The following NSMCE2 variants were observed in gnomAD, a reference collection of about 807,000 sequenced individuals.
The protein encoded by NSMCE2 is NSE2 SUMO ligase component of SMC5/6 complex, also known as E3 SUMO-protein ligase NSE2.
Under a neutral mutation model 23.8 loss-of-function variants are expected in NSMCE2, and 24 were observed. That is an observed-to-expected ratio of 1.01 (90% confidence interval 0.73 to 1.42). The LOEUF (loss-of-function observed/expected upper bound fraction) is 1.42. Among genes scored for constraint, NSMCE2 ranks in the 40% most tolerant of loss-of-function variants. The pLI, the probability that NSMCE2 is intolerant of heterozygous loss-of-function variation, is 0.00. For synonymous variants in NSMCE2, 92 were observed against 94.1 expected (o/e 0.98, Z 0.13); for missense variants, 284 against 296.5 (o/e 0.96, Z 0.31).
chr8:125,229,530 T>C (rs1825234306), intron 5 of NSMCE2, among the ~76,000 whole-genome samples: 1 of 152,176 alleles, frequency 6.6e-6, no homozygotes, highest in Non-Finnish European at 1.5e-5. Context: ...GTTTGGGTCA[T>C]ACTGAGTTTA....
At chr8:125,160,952 A>G (rs964472115) in intron 4 of NSMCE2, among the ~76,000 whole-genome samples, 2 of 152,248 alleles carry the variant, frequency 1.3e-5, no homozygotes, top group African/African-American at 2.4e-5. Context: ...CCTCTGATGT[A>G]TCACATGCAG....
At chr8:125,183,539 T>A (rs1419079210) in intron 5 of NSMCE2, among the ~76,000 whole-genome samples, 4 of 152,180 alleles carry the variant, frequency 2.6e-5, no homozygotes, top group Admixed American at 6.6e-5. Flanking sequence ...TGCTAGTGAA[T>A]TAATTGTATA....
intron 5 of NSMCE2, among the ~76,000 whole-genome samples, chr8:125,330,278 C>T (rs140836085): frequency 1.0e-3 from 155 of 149,440 alleles, no homozygotes; most frequent in Middle Eastern, 6.9e-3. Flanking sequence ...CCGGTTCGAG[C>T]GATTCTCCTG....
At chr8:125,108,882 A>G (rs1224334540) in intron 3 of NSMCE2, among the ~76,000 whole-genome samples, 1 of 152,210 alleles carries the variant, frequency 6.6e-6, no homozygotes, top group East Asian at 1.9e-4. Flanking sequence ...TTAAGTGAAC[A>G]TTGATGGCCT....
At chr8:125,207,096 A>G (rs187353135) in intron 5 of NSMCE2, among the ~76,000 whole-genome samples, 65 of 152,318 alleles carry the variant, frequency 4.3e-4, no homozygotes, top group African/African-American at 1.5e-3. Flanking sequence ...TCAAAAATTC[A>G]AAAACTAAGT....
chr8:125,293,291 A>G (rs562567445), intron 5 of NSMCE2, among the ~76,000 whole-genome samples: 17 of 152,206 alleles, frequency 1.1e-4, no homozygotes, highest in Non-Finnish European at 2.1e-4. Flanking sequence ...ATCAAGGGAG[A>G]TACAAACTTG....
intron 3 of NSMCE2, among the ~76,000 whole-genome samples, chr8:125,122,565 C>T (rs2130506378): frequency 6.6e-6 from 1 of 152,218 alleles, no homozygotes; most frequent in Admixed American, 6.5e-5. Context: ...CTAGAATGCC[C>T]TTTCTCTGTT....
At chr8:125,229,522 T>G (rs1825234063) in intron 5 of NSMCE2, among the ~76,000 whole-genome samples, 1 of 152,124 alleles carries the variant, frequency 6.6e-6, no homozygotes. Flanking sequence ...TGAGTTTGGT[T>G]TGGGTCATAC....
chr8:125,335,394 G>T (rs975136996), intron 5 of NSMCE2, among the ~76,000 whole-genome samples: 1 of 152,144 alleles, frequency 6.6e-6, no homozygotes, highest in Non-Finnish European at 1.5e-5. Context: ...ATGACAAAAC[G>T]CACTCAAGGT....
chr8:125,325,004 T>C (rs958347385), intron 5 of NSMCE2, among the ~76,000 whole-genome samples: 3 of 152,194 alleles, frequency 2.0e-5, no homozygotes, highest in Non-Finnish European at 4.4e-5. Flanking sequence ...GGCAACTTTG[T>C]GAACAATCAA....
intron 3 of NSMCE2, among the ~76,000 whole-genome samples, chr8:125,115,849 A>G (rs1384186399): frequency 6.6e-6 from 1 of 152,224 alleles, no homozygotes; most frequent in African/African-American, 2.4e-5. Context: ...GGTGAAGAAA[A>G]GGGAGCTGTC....
At chr8:125,237,831 C>T (rs1825621929) in intron 5 of NSMCE2, among the ~76,000 whole-genome samples, 1 of 152,126 alleles carries the variant, frequency 6.6e-6, no homozygotes, top group East Asian at 1.9e-4. Context: ...CCATCTGCAT[C>T]GTTTTGTGCC....
At chr8:125,301,826 G>C (rs1244617464) in intron 5 of NSMCE2, among the ~76,000 whole-genome samples, 1 of 151,906 alleles carries the variant, frequency 6.6e-6, no homozygotes, top group Non-Finnish European at 1.5e-5. Context: ...ACCATGCCCG[G>C]CTAATTTTTG....
chr8:125,124,186 G>A (rs1232995394), intron 3 of NSMCE2: 1 of 152,046 alleles, frequency 6.6e-6, no homozygotes, highest in Non-Finnish European at 1.5e-5. Flanking sequence ...TTAGCATAAG[G>A]TTTTCAAGGT....
intron 3 of NSMCE2, among the ~76,000 whole-genome samples, chr8:125,106,561 C>T (rs546784650): frequency 5.9e-5 from 9 of 151,884 alleles, no homozygotes; most frequent in South Asian, 2.1e-4. Context: ...ACCTGTAATC[C>T]GAGCTACTCA....
intron 5 of NSMCE2, among the ~76,000 whole-genome samples, chr8:125,221,808 G>T (rs919324613): frequency 2.0e-5 from 3 of 152,120 alleles, no homozygotes; most frequent in African/African-American, 7.2e-5. Flanking sequence ...CTGCAACTAG[G>T]TGTGGAATTT....
intron 5 of NSMCE2, among the ~76,000 whole-genome samples, chr8:125,295,042 A>G (rs552260406): frequency 6.3e-4 from 96 of 152,306 alleles, no homozygotes; most frequent in African/African-American, 2.2e-3. Context: ...GAAACTACTT[A>G]AAATAGGTTG....
At chr8:125,151,129 T>C in intron 3 of NSMCE2, 42 bp from the exon 4 acceptor site, 1 of 1,077,986 alleles carries the variant, frequency 9.3e-7, no homozygotes, top group East Asian at 2.4e-5. Context: ...AGATATGGCA[T>C]TTTAAATGGA....
intron 5 of NSMCE2, among the ~76,000 whole-genome samples, chr8:125,287,593 T>G (rs1286263583): frequency 6.6e-6 from 1 of 152,288 alleles, no homozygotes; most frequent in East Asian, 1.9e-4. Context: ...ATCATCCATA[T>G]CATTAGTCTC....
Sources: gnomAD v4.1 joint callset for allele counts (sites outside exome capture counted in the v4.1 genomes callset) on GRCh38, gnomAD v4.1.1 for gene constraint, MANE v1.5 for transcripts, NCBI Gene and HGNC (gene_info 2026-07-23, HGNC 2026-07-21) for gene names.